The following LIX1L variants were observed in gnomAD, a reference collection of about 807,000 sequenced individuals.
LIX1L encodes the protein limb and CNS expressed 1 like, also known as LIX1-like protein.
Under a neutral mutation model 34.0 loss-of-function variants are expected in LIX1L, and 20 were observed. The observed-to-expected ratio is 0.59, with a 90% confidence interval of 0.41 to 0.85. LIX1L has a LOEUF of 0.85. LIX1L is among the 40% of genes least tolerant of loss of function. The pLI, the probability that LIX1L is intolerant of heterozygous loss-of-function variation, is 0.00. For missense variants in LIX1L, 397 were observed against 447.0 expected (o/e 0.89, Z 1.01); for synonymous variants, 170 against 187.4 (o/e 0.91, Z 0.76).
chr1:145,947,128 A>G (rs1313571945), intron 2 of LIX1L: 1 of 153,860 alleles, frequency 6.5e-6, no homozygotes, highest in African/African-American at 2.4e-5. Flanking sequence ...GATTTGCCCC[A>G]TTGATATTCA....
In LIX1L at chr1:145,941,480, T is replaced by C. The variant is rs1648915119; in HGVS notation, c.597+1233A>G. On this transcript the variant is annotated intron_variant, in intron 3 of 5. Coordinates refer to ENST00000604000, the MANE Select transcript of LIX1L (RefSeq NM_153713.3). ...GTTAGCCAGGCTGGTTTCAAACTCCTGGCCTCAGATGATCCGCCTGCCTCA... is the reference window on the plus strand; with the variant it reads ...GTTAGCCAGGCTGGTTTCAAACTCCCGGCCTCAGATGATCCGCCTGCCTCA... Among the ~76,000 whole-genome samples, 3 of 152,038 alleles carry C rather than the reference T, an allele frequency of 2.0e-5. No individual in the cohort carries two copies. The East Asian group carries it at 5.8e-4, about 29-fold the overall frequency.
chr1:145,949,400 T>C (rs1351425767), intron 1 of LIX1L, among the ~76,000 whole-genome samples: 5 of 152,180 alleles, frequency 3.3e-5, no homozygotes, highest in African/African-American at 9.7e-5. Context: ...GACAGTGTTC[T>C]GTGCGTAAGG....
chr1:145,937,204 C>T (rs1648690418), intron 4 of LIX1L, among the ~76,000 whole-genome samples: 3 of 151,814 alleles, frequency 2.0e-5, no homozygotes, highest in African/African-American at 7.3e-5. Flanking sequence ...GAGACAGAGT[C>T]TTGCTCTGTC....
Position 145,957,631 on chromosome 1 carries a change from C to T in LIX1L, c.292+5G>A. On this transcript the variant is annotated splice_donor_5th_base_variant and intron_variant, in intron 1 of 5. Coordinates refer to ENST00000604000, the MANE Select transcript of LIX1L (RefSeq NM_153713.3). ...TCGCGCAGGAGGCCAGACCCGCAGA[C>T]TCACCTCGGCCATAGCCCTGCGTGT... 1 of 1,525,756 alleles carries T rather than the reference C, an allele frequency of 6.6e-7. No individual in the cohort carries two copies. Among genetic ancestry groups the T allele is most frequent in the Non-Finnish European group, 8.8e-7 (1 of 1,141,910 alleles). The allele number at this position is 1,525,756 out of a possible 1,614,324, so 94.5% of individuals were successfully genotyped here.
At chr1:145,940,399 G>A (rs1648856664) in intron 3 of LIX1L, among the ~76,000 whole-genome samples, 2 of 146,198 alleles carry the variant, frequency 1.4e-5, no homozygotes, top group South Asian at 2.1e-4. Flanking sequence ...CCAGGATGGC[G>A]TGCAATGGAA....
intron 1 of LIX1L, among the ~76,000 whole-genome samples, chr1:145,950,026 G>A (rs1553759656): frequency 6.6e-6 from 1 of 152,020 alleles, no homozygotes; most frequent in African/African-American, 2.4e-5. Context: ...ACATTGCCCA[G>A]GCTGGTCTCA....
At position 145,957,857 on chromosome 1, in the gene LIX1L, A is replaced by T. The variant is rs986077221; in HGVS notation, c.71T>A (p.Leu24Gln). 10 of 1,453,950 alleles carry T rather than the reference A, an allele frequency of 6.9e-6. No individual in the cohort carries two copies. In the East Asian group the frequency reaches 3.0e-4, roughly 44 times the overall value. The allele number at this position is 1,453,950 out of a possible 1,614,324, so 90.1% of individuals were successfully genotyped here. Reference protein sequence around the residue: ...GTSGRGTLRALRPGVTGAAAA... With the variant: ...GTSGRGTLRAQRPGVTGAAAA... ...CGCGGCCCCAGTCACTCCGGGCCGC[A>T]GCGCTCGGAGAGTGCCCCTCCCGCT... Residue 24 changes from leucine to glutamine, a missense_variant, in exon 1 of 6, where the codon CTG (leucine) becomes CAG (glutamine). Around this residue, in one of 3 missense-constraint regions of LIX1L, gnomAD observed 207 missense variants for 205.2 expected, o/e 1.01. Transcript: ENST00000604000.
At chr1:145,947,831 C>A (rs782493611) in intron 1 of LIX1L, 49 bp from the exon 2 acceptor site, 1 of 1,562,410 alleles carries the variant, frequency 6.4e-7, no homozygotes. Context: ...AACACCTCCA[C>A]GTGGTGCTAT....
chr1:145,942,780 T>C lies in LIX1L; in HGVS notation c.530A>G (p.His177Arg), dbSNP rs1648968140. 2 of 1,614,142 alleles carry C rather than the reference T, an allele frequency of 1.2e-6. No individual in the cohort carries two copies. Among genetic ancestry groups the C allele is most frequent in the Non-Finnish European group, 1.7e-6 (2 of 1,179,996 alleles). ...IALMNSVFNE[H>R]PSRRITDEFI... Reference sequence around the variant, plus strand: ...CTCATCAGTGATTCTTCGGGAAGGATGTTCATTAAACACAGAATTCATTAG... The same window carrying C: ...CTCATCAGTGATTCTTCGGGAAGGACGTTCATTAAACACAGAATTCATTAG... The change falls in exon 3 of 6, where the codon CAT becomes CGT. Residue 177 changes from histidine (H) to arginine (R), a missense_variant. Physicochemically the swap from His to Arg is conservative, Grantham distance 29 (BLOSUM62 0). Coordinates refer to ENST00000604000, the MANE Select transcript of LIX1L (RefSeq NM_153713.3).
At chr1:145,941,921 T>C (rs1648933599) in intron 3 of LIX1L, 1 of 152,220 alleles carries the variant, frequency 6.6e-6, no homozygotes, top group African/African-American at 2.4e-5. Context: ...TCTCACTCTG[T>C]CGCCCAGGCT....
At chr1:145,957,595 T>C in intron 1 of LIX1L, 41 bp downstream of exon 1, 1 of 1,455,676 alleles carries the variant, frequency 6.9e-7, no homozygotes, top group Non-Finnish European at 9.0e-7. Flanking sequence ...AAGGCTCCCT[T>C]ACAGAGGGTG....
chr1:145,937,171 TTTACTTAC>T (rs369258322), intron 4 of LIX1L, among the ~76,000 whole-genome samples, 186 bp from the exon 5 acceptor site: 5 of 81,122 alleles, frequency 6.2e-5, no homozygotes, highest in South Asian at 7.2e-4. Context: ...TATTTATTTA[TTTACTTAC>T]TTACTTACTT....
At chr1:145,957,312 G>A (rs897118924) in intron 1 of LIX1L, among the ~76,000 whole-genome samples, 3 of 152,184 alleles carry the variant, frequency 2.0e-5, no homozygotes, top group African/African-American at 7.2e-5. Flanking sequence ...AATGAGGACT[G>A]GTTCTCAAAG....
chr1:145,937,006 G>A (rs1553757913), intron 4 of LIX1L, 21 bp from the exon 5 acceptor site: 2 of 1,540,558 alleles, frequency 1.3e-6, no homozygotes, highest in Non-Finnish European at 1.8e-6. Flanking sequence ...AGGATAGGAA[G>A]TACCAGGACA....
chr1:145,957,216 G>C (rs1215573581), intron 1 of LIX1L, among the ~76,000 whole-genome samples: 1 of 152,182 alleles, frequency 6.6e-6, no homozygotes, highest in African/African-American at 2.4e-5. Context: ...TAACAGGTGA[G>C]TCCAGGAATT....
intron 1 of LIX1L, among the ~76,000 whole-genome samples, chr1:145,954,269 CT>C (rs1215083123): frequency 3.9e-5 from 6 of 152,108 alleles, no homozygotes; most frequent in African/African-American, 1.4e-4. Context: ...TGATTTTGGA[CT>C]TCTGGCCTCC....
chr1:145,949,079 C>G (rs1649200537), intron 1 of LIX1L: 1 of 152,192 alleles, frequency 6.6e-6, no homozygotes, highest in Admixed American at 6.5e-5. Flanking sequence ...CTTCTGCCAG[C>G]ACCCATGAAA....
Position 145,935,852 on chromosome 1 carries a change from A to C in LIX1L, c.*458T>G, listed in dbSNP as rs929838288. On this transcript the variant is annotated 3_prime_UTR_variant, in exon 6 of 6. Coordinates refer to ENST00000604000, the MANE Select transcript of LIX1L (RefSeq NM_153713.3). ...AGTGGTGGGGAGGAAAGGGATAGCA[A>C]GCAGGTTCAGTTCAGGAACTAAAGG... is the stretch of plus-strand genomic sequence containing the variant. 3.6e-5 allele frequency: 6 copies of C among 166,104 alleles called. No individual in the cohort carries two copies. Among genetic ancestry groups the C allele is most frequent in the Non-Finnish European group, 6.6e-5 (5 of 75,666 alleles). The allele number at this position is 166,104 out of a possible 1,614,324, so 10.3% of individuals were successfully genotyped here.
rs782667986 is a variant in LIX1L, at chr1:145,936,306, A to G, written c.*4T>C. The G allele has an allele frequency of 1.2e-6, 2 of 1,613,896 alleles. No individual in the cohort carries two copies. Among genetic ancestry groups the G allele is most frequent in the South Asian group, 2.2e-5 (2 of 91,076 alleles). Reference sequence around the variant, plus strand: ...AAAGCCTGGGGAGTTATGTGGGTGGATGCCTAGCAGTTGGAAGAATGCATA... The same window carrying G: ...AAAGCCTGGGGAGTTATGTGGGTGGGTGCCTAGCAGTTGGAAGAATGCATA... On this transcript the variant is annotated 3_prime_UTR_variant, in exon 6 of 6. Transcript: ENST00000604000.
Sources: gnomAD v4.1 joint callset for allele counts (sites outside exome capture counted in the v4.1 genomes callset) on GRCh38, gnomAD v4.1.1 for gene constraint, gnomAD v4.1.1 regional missense constraint, MANE v1.5 for transcripts, NCBI Gene and HGNC (gene_info 2026-07-23, HGNC 2026-07-21) for gene names.